The following RAPGEF6 variants were observed in gnomAD, a reference collection of about 807,000 sequenced individuals.
RAPGEF6 encodes the protein Rap guanine nucleotide exchange factor 6.
In RAPGEF6, 56 loss-of-function variants were observed where a neutral mutation model predicts 171.4. The observed-to-expected ratio is 0.33, with a 90% confidence interval of 0.26 to 0.41. The LOEUF is 0.41. RAPGEF6 is among the 10% of genes least tolerant of loss of function. The probability of loss-of-function intolerance (pLI) is 1.00; values close to 1 mark genes in which losing one functional copy is unlikely to be tolerated. For synonymous variants in RAPGEF6, 692 were observed against 650.1 expected (o/e 1.06, Z -0.98); for missense variants, 1,674 against 1,921.4 (o/e 0.87, Z 2.41).
chr5:131,477,142 G>A (rs1755155926), intron 16 of RAPGEF6, among the ~76,000 whole-genome samples: 1 of 152,016 alleles, frequency 6.6e-6, no homozygotes, highest in South Asian at 2.1e-4. Flanking sequence ...GGAATTGTCT[G>A]AATTCACTTC....
At chr5:131,627,691 T>C (rs182919199) in intron 1 of RAPGEF6, among the ~76,000 whole-genome samples, 5 of 152,348 alleles carry the variant, frequency 3.3e-5, no homozygotes, top group Admixed American at 2.6e-4. Flanking sequence ...TACTCTGTTT[T>C]ATTGTGCTTG....
At chr5:131,577,000 C>T (rs558570696) in intron 4 of RAPGEF6, among the ~76,000 whole-genome samples, 9 of 152,276 alleles carry the variant, frequency 5.9e-5, no homozygotes, top group African/African-American at 1.9e-4. Context: ...GATCTGCCCC[C>T]ACACAAGACT....
chr5:131,610,854 T>G (rs1561605018), intron 1 of RAPGEF6, among the ~76,000 whole-genome samples: 1 of 152,194 alleles, frequency 6.6e-6, no homozygotes, highest in Non-Finnish European at 1.5e-5. Flanking sequence ...TGGTGCAAAG[T>G]GTAAGCTCAG....
At chr5:131,462,959 A>C (rs1000823389) in intron 18 of RAPGEF6, among the ~76,000 whole-genome samples, 2 of 152,192 alleles carry the variant, frequency 1.3e-5, no homozygotes, top group African/African-American at 4.8e-5. Flanking sequence ...ATATATAATA[A>C]TGTTTAACAT....
At chr5:131,444,419 GACT>G (rs1312626278) in intron 22 of RAPGEF6, among the ~76,000 whole-genome samples, 1 of 152,078 alleles carries the variant, frequency 6.6e-6, no homozygotes, top group African/African-American at 2.4e-5. Context: ...AAAAACCTGA[GACT>G]ACTTCAAAAA....
rs550067267 is a variant in RAPGEF6, at chr5:131,511,354, A to G, written c.628-863T>C. 4 of 152,300 alleles carry G rather than the reference A, an allele frequency of 2.6e-5. No homozygotes were observed. In the South Asian group the frequency reaches 8.3e-4, roughly 32 times the overall value. The allele number at this position is 152,300 out of a possible 1,614,324, so 9.4% of individuals were successfully genotyped here. A position where few individuals can be genotyped will look rare whatever the true frequency, so the allele number is the denominator to read the frequency against. ...AAGGCATTATAGAAAAAATGAGTGAACACACAAGAATTCCCTAATAAGTAG... is the reference window on the plus strand; with the variant it reads ...AAGGCATTATAGAAAAAATGAGTGAGCACACAAGAATTCCCTAATAAGTAG... On this transcript the variant is annotated intron_variant, in intron 7 of 27. Transcript: ENST00000509018.
At chr5:131,571,940 T>A (rs923907098) in intron 4 of RAPGEF6, among the ~76,000 whole-genome samples, 1 of 151,852 alleles carries the variant, frequency 6.6e-6, no homozygotes, top group African/African-American at 2.4e-5. Context: ...CTTTGTAACA[T>A]CCTCCCAGCC....
chr5:131,491,830 C>T (rs1003969788), intron 14 of RAPGEF6, among the ~76,000 whole-genome samples: 3 of 152,142 alleles, frequency 2.0e-5, no homozygotes, highest in African/African-American at 7.2e-5. Flanking sequence ...AAACTGTCTT[C>T]CATAAAACTG....
chr5:131,491,160 G>A (rs1263610005), intron 14 of RAPGEF6, among the ~76,000 whole-genome samples: 1 of 152,166 alleles, frequency 6.6e-6, no homozygotes, highest in Non-Finnish European at 1.5e-5. Flanking sequence ...CATTCCTAAT[G>A]AGTAGTCTGG....
At chr5:131,466,684 G>A (rs1191684064) in intron 17 of RAPGEF6, among the ~76,000 whole-genome samples, 1 of 152,124 alleles carries the variant, frequency 6.6e-6, no homozygotes, top group African/African-American at 2.4e-5. Context: ...CTTGCTTTCT[G>A]CCATGATTGT....
At chr5:131,481,620 A>T (rs1395221358) in intron 15 of RAPGEF6, among the ~76,000 whole-genome samples, 4 of 152,230 alleles carry the variant, frequency 2.6e-5, no homozygotes, top group Non-Finnish European at 4.4e-5. Context: ...TTACCTGTTT[A>T]GCAATCTATT....
chr5:131,531,157 C>G (rs1379275919), intron 6 of RAPGEF6, among the ~76,000 whole-genome samples: 1 of 152,174 alleles, frequency 6.6e-6, no homozygotes, highest in Non-Finnish European at 1.5e-5. Context: ...ACGATGCTAT[C>G]ATAGGATTTC....
At chr5:131,516,115 G>C (rs1758065493) in intron 7 of RAPGEF6, among the ~76,000 whole-genome samples, 1 of 116,092 alleles carries the variant, frequency 8.6e-6, no homozygotes, top group African/African-American at 3.3e-5. Context: ...CTGTGACGGA[G>C]TCTTTCTCTG....
chr5:131,551,175 A>G (rs1195016804), intron 5 of RAPGEF6, among the ~76,000 whole-genome samples: 1 of 152,196 alleles, frequency 6.6e-6, no homozygotes, highest in Non-Finnish European at 1.5e-5. Flanking sequence ...ACCCTATTAC[A>G]TAGCTACTTT....
intron 7 of RAPGEF6, among the ~76,000 whole-genome samples, chr5:131,516,110 A>G (rs2149901874): frequency 9.8e-6 from 1 of 102,476 alleles, no homozygotes; most frequent in Non-Finnish European, 1.8e-5. Flanking sequence ...TTTTTCTGTG[A>G]CGGAGTCTTT....
chr5:131,521,398 T>C lies in RAPGEF6; in HGVS notation c.619A>G (p.Ile207Val). ...AATTCCTAAGGTATTACCTGATAGA[T>C]ATCAGATAAACTGCTGCTTCCAGAG... is the stretch of plus-strand genomic sequence containing the variant. ...SDSGSSSLSD[I>V]YQATESEVGD... is the part of the protein sequence containing the mutation. Residue 207 changes from isoleucine to valine, a missense_variant, in exon 7 of 28, where the codon ATC becomes GTC. Around this residue, in one of 3 missense-constraint regions of RAPGEF6, gnomAD observed 1,116 missense variants for 1,321.5 expected, o/e 0.84. Coordinates refer to ENST00000509018, the MANE Select transcript of RAPGEF6 (RefSeq NM_016340.6). The C allele has an allele frequency of 3.1e-6, 5 of 1,606,970 alleles. No individual in the cohort carries two copies. The highest frequency in any genetic ancestry group is 4.2e-6 in the Non-Finnish European group (5 of 1,177,026).
In RAPGEF6 at chr5:131,585,288, C is replaced by A. The variant is rs201022543; in HGVS notation, c.281+7095G>T. Reference sequence around the variant, plus strand: ...TCTAGAAAATAAGAAAAAAAAAAAACTATACATACATACATACATACATAC... The same window carrying A: ...TCTAGAAAATAAGAAAAAAAAAAAAATATACATACATACATACATACATAC... On this transcript the variant is annotated intron_variant, in intron 4 of 27. Coordinates refer to ENST00000509018, the MANE Select transcript of RAPGEF6 (RefSeq NM_016340.6). Among the ~76,000 whole-genome samples the A allele has an allele frequency of 3.8e-5, 3 of 79,586 alleles. No homozygotes were observed. In the South Asian group the frequency reaches 1.1e-3, roughly 29 times the overall value. The allele number at this position is 79,586 out of a possible 152,430, so 52.2% of individuals were successfully genotyped here. A position where few individuals can be genotyped will look rare whatever the true frequency, so the allele number is the denominator to read the frequency against.
chr5:131,613,983 G>T, intron 1 of RAPGEF6, among the ~76,000 whole-genome samples: 1 of 151,932 alleles, frequency 6.6e-6, no homozygotes, highest in East Asian at 1.9e-4. Context: ...TTCTCACACT[G>T]CTATAAAGAA....
chr5:131,499,874 C>T (rs1169856546), intron 11 of RAPGEF6, among the ~76,000 whole-genome samples: 1 of 152,038 alleles, frequency 6.6e-6, no homozygotes, highest in African/African-American at 2.4e-5. Context: ...TAAAAAGGTA[C>T]TTTATTTATT....
Sources: gnomAD v4.1 joint callset for allele counts (sites outside exome capture counted in the v4.1 genomes callset) on GRCh38, gnomAD v4.1.1 for gene constraint, gnomAD v4.1.1 regional missense constraint, MANE v1.5 for transcripts, NCBI Gene and HGNC (gene_info 2026-07-23, HGNC 2026-07-21) for gene names.